Variants in ZNF608 observed in about 807,000 individuals in gnomAD.
ZNF608 encodes renal carcinoma antigen NY-REN-36.
In ZNF608, 12 loss-of-function variants were observed where a neutral mutation model predicts 109.0. The observed-to-expected ratio is 0.11, with a 90% CI of 0.07 to 0.18. The LOEUF is 0.18. ZNF608 is among the 10% of genes least tolerant of loss of function. The pLI, the probability that ZNF608 is intolerant of heterozygous loss-of-function variation, is 1.00. For synonymous variants in ZNF608, 732 were observed against 717.4 expected (o/e 1.02, Z -0.33); for missense variants, 1,707 against 1,879.3 (o/e 0.91, Z 1.70).
rs141970069 is a variant in ZNF608 at position 124,686,156 on chromosome 5, C to A, written c.1162+14858G>T. 3.5e-3 allele frequency among the ~76,000 whole-genome samples: 529 copies of A among 152,302 alleles called. 3 individuals carry two copies. The highest frequency in any genetic ancestry group is 0.012 in the African/African-American group (491 of 41,562). On this transcript the variant is annotated intron_variant, in intron 3 of 9. Transcript: ENST00000513986. The stretch of plus-strand genomic sequence containing the variant: ...TTAAGGTAATGCTCTCCTTCTGAAT[C>A]GTGGAAGATTAATGTGCAACCAATA...
intron 3 of ZNF608, among the ~76,000 whole-genome samples, chr5:124,691,461 A>C (rs1009535943): frequency 2.1e-4 from 32 of 152,216 alleles, no homozygotes; most frequent in Admixed American, 9.2e-4. Context: ...TAAAAAATCA[A>C]AAGATAACAA....
chr5:124,680,294 A>G (rs1281609739), intron 3 of ZNF608, among the ~76,000 whole-genome samples: 2 of 152,194 alleles, frequency 1.3e-5, no homozygotes, highest in African/African-American at 2.4e-5. Context: ...ATTACAACAA[A>G]GAAATGTAAA....
At chr5:124,686,624 T>C (rs985340359) in intron 3 of ZNF608, among the ~76,000 whole-genome samples, 4 of 152,238 alleles carry the variant, frequency 2.6e-5, no homozygotes, top group African/African-American at 9.6e-5. Flanking sequence ...GGTCTTCTCA[T>C]GAAGCTGAGG....
At chr5:124,643,816 C>T in intron 6 of ZNF608, 133 bp from the exon 7 acceptor site, 2 of 839,992 alleles carry the variant, frequency 2.4e-6, no homozygotes, top group Non-Finnish European at 3.6e-6. Flanking sequence ...TGGGCTACAT[C>T]ATCATTAAAC....
At chr5:124,725,358 C>T (rs1754098367) in intron 2 of ZNF608, among the ~76,000 whole-genome samples, 2 of 152,004 alleles carry the variant, frequency 1.3e-5, no homozygotes, top group East Asian at 3.9e-4. Context: ...ACTGTACCTC[C>T]AGGACCCAGA....
At chr5:124,742,307 C>T (rs1045598827) in intron 2 of ZNF608, among the ~76,000 whole-genome samples, 13 of 152,156 alleles carry the variant, frequency 8.5e-5, no homozygotes, top group African/African-American at 2.9e-4. Flanking sequence ...TGAATGTGAA[C>T]ATTTGGCTGG....
chr5:124,651,857 G>C (rs375067344), intron 3 of ZNF608, among the ~76,000 whole-genome samples: 122 of 152,348 alleles, frequency 8.0e-4, no homozygotes, highest in African/African-American at 2.6e-3. Context: ...ATCCCCCACG[G>C]CGCGCTGGCC....
chr5:124,708,912 C>T, intron 2 of ZNF608: 1 of 391,016 alleles, frequency 2.6e-6, no homozygotes, highest in Non-Finnish European at 5.0e-6. Context: ...TGGCTCACGC[C>T]TGTAATCCCA....
At chr5:124,705,946 C>A (rs145461040) in intron 2 of ZNF608, among the ~76,000 whole-genome samples, 1 of 152,238 alleles carries the variant, frequency 6.6e-6, no homozygotes, top group Non-Finnish European at 1.5e-5. Context: ...ATTTGCCAGG[C>A]ACCGTGCAAC....
intron 2 of ZNF608, among the ~76,000 whole-genome samples, chr5:124,724,993 C>T (rs75499839): frequency 0.045 from 6,799 of 152,214 alleles, 283 homozygotes; most frequent in East Asian, 0.16. Context: ...GCCTCAAGCT[C>T]CATCTTAGAT....
chr5:124,685,483 C>A (rs1057487671), intron 3 of ZNF608, among the ~76,000 whole-genome samples: 1 of 152,166 alleles, frequency 6.6e-6, no homozygotes, highest in South Asian at 2.1e-4. Context: ...AATACACAAA[C>A]AATTTACCCC....
intron 3 of ZNF608, among the ~76,000 whole-genome samples, chr5:124,692,294 ACTC>A (rs1752656796): frequency 6.6e-6 from 1 of 152,234 alleles, no homozygotes; most frequent in Non-Finnish European, 1.5e-5. Context: ...AAGCTACACT[ACTC>A]AAACAGGTAT....
intron 9 of ZNF608, 79 bp from the exon 10 acceptor site, chr5:124,637,985 T>C (rs184325295): frequency 4.5e-6 from 7 of 1,546,322 alleles, no homozygotes; most frequent in Non-Finnish European, 5.3e-6. Context: ...AGTTTTGCTC[T>C]TGTTGCCCAG....
In ZNF608 at chr5:124,653,588, A is replaced by G. The variant is rs561009624; in HGVS notation, c.1163-3891T>C. ...AGTTTTGTCTATTACCTGCATTTTT[A>G]CAGTAGGCCCCTTATGCTATCACGT... is the stretch of plus-strand genomic sequence containing the variant. On this transcript the variant is annotated intron_variant, in intron 3 of 9. Coordinates refer to ENST00000513986, the MANE Select transcript of ZNF608 (RefSeq NM_020747.3). Among the ~76,000 whole-genome samples the G allele has an allele frequency of 1.8e-4, 27 of 152,290 alleles. No homozygotes were observed. The South Asian group carries it at 5.6e-3, about 32-fold the overall frequency.
At chr5:124,733,250 G>A (rs1393468298) in intron 2 of ZNF608, among the ~76,000 whole-genome samples, 7 of 136,068 alleles carry the variant, frequency 5.1e-5, no homozygotes, top group South Asian at 2.3e-4. Context: ...TCTGTTTGGC[G>A]GCTACCCAAC....
At chr5:124,652,839 T>C (rs1334522298) in intron 3 of ZNF608, among the ~76,000 whole-genome samples, 1 of 152,220 alleles carries the variant, frequency 6.6e-6, no homozygotes. Context: ...TCTTTAAAAG[T>C]GCAAATTTGT....
At chr5:124,699,193 C>CAG (rs1229537377) in intron 3 of ZNF608, among the ~76,000 whole-genome samples, 2 of 152,170 alleles carry the variant, frequency 1.3e-5, no homozygotes, top group Non-Finnish European at 2.9e-5. Context: ...ATACTTTTCA[C>CAG]ACTGAGTGTC....
intron 2 of ZNF608, among the ~76,000 whole-genome samples, chr5:124,712,715 C>T (rs1479972494): frequency 6.6e-6 from 1 of 152,112 alleles, no homozygotes; most frequent in Non-Finnish European, 1.5e-5. Flanking sequence ...CCTCCAGCTA[C>T]CAGAAGAACA....
chr5:124,744,704 T>C lies in ZNF608; in HGVS notation c.286A>G (p.Asn96Asp). ...ASVQASAPQG[N>D]SHKETSKSKV... ...GATTTGCTGGTCTCTTTGTGTGAATTCCCCTGGGGAGCAGAGGCCTGAACA... is the reference window on the plus strand; with the variant it reads ...GATTTGCTGGTCTCTTTGTGTGAATCCCCCTGGGGAGCAGAGGCCTGAACA... The change falls in exon 2 of 10, where the codon AAT becomes GAT. Residue 96 changes from asparagine to aspartate, a missense_variant. Physicochemically the swap from Asn to Asp is conservative, Grantham distance 23 (BLOSUM62 1). This residue lies in a region of ZNF608 where 407 missense variants were observed against 398.7 expected (regional missense o/e 1.02). Transcript: ENST00000513986. This position sits in a 1 kb window ranked among gnomAD's most constrained non-coding sequence, Gnocchi z 4.5. 2 of 1,614,224 alleles carry C rather than the reference T, an allele frequency of 1.2e-6. No individual in the cohort carries two copies. The highest frequency in any genetic ancestry group is 1.7e-6 in the Non-Finnish European group (2 of 1,180,044).
Sources: allele counts gnomAD v4.1 joint callset (sites outside exome capture counted in the v4.1 genomes callset), GRCh38; gene constraint gnomAD v4.1.1; regional missense constraint gnomAD v4.1.1; non-coding constraint Gnocchi (gnomAD v3.1); transcripts MANE v1.5; gene names NCBI Gene and HGNC (gene_info 2026-07-23, HGNC 2026-07-21).